MPPED2: variants seen among roughly 807,000 people sequenced by gnomAD.
MPPED2 encodes the protein metallophosphoesterase domain containing 2.
MPPED2 carries 5 observed loss-of-function variants against 33.0 expected under a neutral mutation model. The ratio of observed to expected loss-of-function variants is 0.15; its 90% confidence interval spans 0.08 to 0.32. MPPED2 has a LOEUF of 0.32. Among genes scored for constraint, MPPED2 ranks in the 10% least tolerant of loss-of-function variants. The probability of loss-of-function intolerance (pLI) is 1.00; values close to 1 mark genes in which losing one functional copy is unlikely to be tolerated. For missense variants in MPPED2, 275 were observed against 372.1 expected (o/e 0.74, Z 2.15); for synonymous variants, 136 against 141.9 (o/e 0.96, Z 0.29).
At chr11:30,571,896 T>C (rs1020879093) in intron 2 of MPPED2, among the ~76,000 whole-genome samples, 9 of 152,294 alleles carry the variant, frequency 5.9e-5, no homozygotes, top group Admixed American at 5.2e-4. Flanking sequence ...TACAGCCTGT[T>C]TGGCTTGTCT....
rs199611856 is a variant in MPPED2, at chr11:30,583,134, C to CTTTTTTTTT, written c.-121-2649_-121-2641dup. On this transcript the variant is annotated intron_variant, in intron 1 of 6. Coordinates refer to ENST00000358117, the MANE Select transcript of MPPED2 (RefSeq NM_001584.3). The stretch of plus-strand genomic sequence containing the variant: ...CACAAACACCTGGAAAAGACTTTTT[C>CTTTTTTTTT]TTTTTTTTTTTTTTTTTTTTTTTTT... 3.9e-3 allele frequency among the ~76,000 whole-genome samples: 374 copies of CTTTTTTTTT among 96,620 alleles called. 13 individuals carry two copies. Among genetic ancestry groups the CTTTTTTTTT allele is most frequent in the African/African-American group, 7.2e-3 (149 of 20,666 alleles). 63.4% of individuals were successfully genotyped at this position (96,620 alleles called of 152,430 possible). A position where few individuals can be genotyped will look rare whatever the true frequency, so the allele number is the denominator to read the frequency against.
chr11:30,486,869 C>T (rs746167495), intron 4 of MPPED2, among the ~76,000 whole-genome samples: 3 of 152,118 alleles, frequency 2.0e-5, no homozygotes, highest in Admixed American at 6.5e-5. Context: ...CTAGTCTTTC[C>T]GTTTTGTATG....
intron 4 of MPPED2, among the ~76,000 whole-genome samples, chr11:30,430,592 TTA>T (rs1949035384): frequency 1.3e-5 from 2 of 152,166 alleles, no homozygotes; most frequent in Non-Finnish European, 2.9e-5. Context: ...TGTCTAGAAA[TTA>T]CATCCTAATG....
At chr11:30,422,287 C>T (rs1948648353) in intron 4 of MPPED2, among the ~76,000 whole-genome samples, 1 of 152,226 alleles carries the variant, frequency 6.6e-6, no homozygotes, top group African/African-American at 2.4e-5. Flanking sequence ...CTCCTCCTTT[C>T]CAACCTGCAC....
At chr11:30,543,341 A>G (rs1470601829) in intron 2 of MPPED2, among the ~76,000 whole-genome samples, 1 of 152,144 alleles carries the variant, frequency 6.6e-6, no homozygotes, top group Non-Finnish European at 1.5e-5. Context: ...TTGTGTTCTT[A>G]CTACATATAT....
intron 3 of MPPED2, among the ~76,000 whole-genome samples, chr11:30,534,684 C>T (rs1954716986): frequency 6.6e-6 from 1 of 152,098 alleles, no homozygotes; most frequent in South Asian, 2.1e-4. Context: ...GTAGCAAAAA[C>T]CATAAAGAAT....
At chr11:30,537,086 T>C (rs1466312138) in intron 2 of MPPED2, among the ~76,000 whole-genome samples, 2 of 152,164 alleles carry the variant, frequency 1.3e-5, no homozygotes, top group East Asian at 1.9e-4. Flanking sequence ...CCTCATTTAA[T>C]TGAGTGTAAC....
chr11:30,571,307 A>G (rs1956679809), intron 2 of MPPED2, among the ~76,000 whole-genome samples: 1 of 152,104 alleles, frequency 6.6e-6, no homozygotes, highest in African/African-American at 2.4e-5. Context: ...TTATTTGCAT[A>G]TATTTTGTCC....
intron 3 of MPPED2, among the ~76,000 whole-genome samples, chr11:30,508,314 A>C (rs1037923688): frequency 2.6e-5 from 4 of 152,230 alleles, no homozygotes; most frequent in Non-Finnish European, 4.4e-5. Flanking sequence ...GTTCCTAGAC[A>C]TGTGAAGTCA....
chr11:30,425,943 T>C (rs558588484), intron 4 of MPPED2, among the ~76,000 whole-genome samples: 70 of 152,332 alleles, frequency 4.6e-4, no homozygotes, highest in African/African-American at 1.5e-3. Flanking sequence ...TTTTCCTTTT[T>C]TCATGGCAGT....
chr11:30,545,257 G>C (rs192169115), intron 2 of MPPED2, among the ~76,000 whole-genome samples: 2 of 152,252 alleles, frequency 1.3e-5, no homozygotes, highest in East Asian at 3.9e-4. Flanking sequence ...TTGAGGAAAG[G>C]TTGGTTTGTA....
At chr11:30,399,615 A>G (rs2133706155) in intron 6 of MPPED2, among the ~76,000 whole-genome samples, 1 of 152,294 alleles carries the variant, frequency 6.6e-6, no homozygotes, top group Admixed American at 6.5e-5. Context: ...CTCATGTGTA[A>G]ATGGACAATG....
At chr11:30,480,247 T>A (rs1414162788) in intron 4 of MPPED2, among the ~76,000 whole-genome samples, 1 of 152,120 alleles carries the variant, frequency 6.6e-6, no homozygotes, top group Non-Finnish European at 1.5e-5. Flanking sequence ...GCCTAGACGC[T>A]CTGCATACAC....
chr11:30,561,354 CATT>C (rs1956231354), intron 2 of MPPED2, among the ~76,000 whole-genome samples: 1 of 152,266 alleles, frequency 6.6e-6, no homozygotes, highest in Non-Finnish European at 1.5e-5. Context: ...ATAATTTCCT[CATT>C]ATGAAGTTCA....
chr11:30,411,399 G>A lies in MPPED2; in HGVS notation c.*69C>T, dbSNP rs1948096106. ...AGGGTTTGTAAATAAGTAAGAGAAT[G>A]TAAGTTTATAATTAGAAAAATGGCA... is the stretch of plus-strand genomic sequence containing the variant. On this transcript the variant is annotated 3_prime_UTR_variant, in exon 7 of 7. Transcript: ENST00000358117. 4 of 1,512,136 alleles carry A rather than the reference G, an allele frequency of 2.6e-6. No individual in the cohort carries two copies. Among genetic ancestry groups the A allele is most frequent in the East Asian group, 2.3e-5 (1 of 43,848 alleles). 93.7% of individuals were successfully genotyped at this position (1,512,136 alleles called of 1,614,324 possible). A position where few individuals can be genotyped will look rare whatever the true frequency, so the allele number is the denominator to read the frequency against.
chr11:30,571,904 T>C (rs1255402507), intron 2 of MPPED2, among the ~76,000 whole-genome samples: 1 of 152,208 alleles, frequency 6.6e-6, no homozygotes, highest in East Asian at 1.9e-4. Flanking sequence ...GTTTGGCTTG[T>C]CTTGCCACTT....
chr11:30,398,000 T>C (rs574825239), intron 6 of MPPED2, among the ~76,000 whole-genome samples: 1 of 152,270 alleles, frequency 6.6e-6, no homozygotes, highest in East Asian at 1.9e-4. Flanking sequence ...TCCTTGACTT[T>C]GACCAATTCA....
chr11:30,509,900 C>T (rs1267041346), intron 3 of MPPED2, among the ~76,000 whole-genome samples: 1 of 152,140 alleles, frequency 6.6e-6, no homozygotes, highest in Non-Finnish European at 1.5e-5. Context: ...TTTTGCAGAC[C>T]AATCCTCTCC....
chr11:30,390,833 G>A (rs991251498), intron 6 of MPPED2, among the ~76,000 whole-genome samples: 1 of 152,100 alleles, frequency 6.6e-6, no homozygotes, highest in Non-Finnish European at 1.5e-5. Flanking sequence ...GCTACCTGTT[G>A]GCTAAGGCAC....
Sources: gnomAD v4.1 joint callset for allele counts (sites outside exome capture counted in the v4.1 genomes callset) on GRCh38, gnomAD v4.1.1 for gene constraint, MANE v1.5 for transcripts, NCBI Gene and HGNC (gene_info 2026-07-23, HGNC 2026-07-21) for gene names.